The following FAM117A variants were observed in gnomAD, a reference collection of about 807,000 sequenced individuals.
FAM117A encodes the protein family with sequence similarity 117 member A.
A neutral mutation model predicts 44.1 loss-of-function variants in FAM117A; 21 were observed. The observed-to-expected ratio is 0.48, with a 90% CI of 0.34 to 0.69. The LOEUF (loss-of-function observed/expected upper bound fraction) is 0.69. FAM117A is among the 30% of genes least tolerant of loss of function. The pLI is 0.01. For missense variants in FAM117A, 498 were observed against 589.9 expected (o/e 0.84, Z 1.61); for synonymous variants, 220 against 238.3 (o/e 0.92, Z 0.71).
In FAM117A at chr17:49,763,999, G is replaced by C. The variant is rs2073734493; in HGVS notation, c.89C>G (p.Pro30Arg). Residue 30 changes from proline (P) to arginine (R), a missense_variant, in exon 1 of 8, where the codon CCC becomes CGC. Coordinates refer to ENST00000240364, the MANE Select transcript of FAM117A (RefSeq NM_030802.4). ...CCGGGGGGAGCCGGCGGGGGCTGGG[G>C]GAGAGCAGCCCCGCCGGAGCCCCCC... The part of the protein sequence containing the change: ...GAGGLRRGCS[P>R]PAPAGSPRAG... 1.7e-6 allele frequency: 2 copies of C among 1,210,684 alleles called. No homozygotes were observed. The highest frequency in any genetic ancestry group is 2.1e-6 in the Non-Finnish European group (2 of 970,510). 75.0% of individuals were successfully genotyped at this position (1,210,684 alleles called of 1,614,324 possible). A position where few individuals can be genotyped will look rare whatever the true frequency, so the allele number is the denominator to read the frequency against.
At chr17:49,770,879 G>C (rs140353984) in intron 1 of FAM117A, among the ~76,000 whole-genome samples, 198 of 150,478 alleles carry the variant, frequency 1.3e-3, no homozygotes, top group African/African-American at 4.7e-3. Flanking sequence ...ACTCCACCCT[G>C]GGTGACAGAG....
intron 1 of FAM117A, among the ~76,000 whole-genome samples, chr17:49,777,015 T>C (rs2073777195): frequency 6.6e-6 from 1 of 152,242 alleles, no homozygotes; most frequent in South Asian, 2.1e-4. Context: ...AGGGGAATTC[T>C]TGTGGGACTG....
At chr17:49,719,134 C>T (rs1006459627) in intron 5 of FAM117A, among the ~76,000 whole-genome samples, 6 of 148,734 alleles carry the variant, frequency 4.0e-5, no homozygotes, top group East Asian at 2.0e-4. Flanking sequence ...TGGTGGCAAG[C>T]GCCTGTAATC....
rs1233480763 is a variant in FAM117A at position 49,714,422 on chromosome 17, C to A, written c.1061+1743G>T. 2.6e-5 allele frequency among the ~76,000 whole-genome samples: 4 copies of A among 151,566 alleles called. No homozygotes were observed. In the East Asian group the frequency reaches 7.8e-4, roughly 29 times the overall value. The stretch of plus-strand genomic sequence containing the variant: ...GTGCGATCTCAGCTCACTGCAATCT[C>A]CACCTCCTGGGTTCAAGCAATTCTC... On this transcript the variant is annotated intron_variant, in intron 7 of 7. Coordinates refer to ENST00000240364, the MANE Select transcript of FAM117A (RefSeq NM_030802.4).
intron 1 of FAM117A, among the ~76,000 whole-genome samples, chr17:49,738,959 A>AT (rs1195087912): frequency 6.6e-6 from 1 of 152,186 alleles, no homozygotes; most frequent in Non-Finnish European, 1.5e-5. Flanking sequence ...AACACAAACC[A>AT]AAGCCAAAAT....
At chr17:49,786,496 G>C (rs1229889408) in intron 1 of FAM117A, among the ~76,000 whole-genome samples, 1 of 152,184 alleles carries the variant, frequency 6.6e-6, no homozygotes, top group East Asian at 1.9e-4. Flanking sequence ...GATGGTATGA[G>C]CCAGGCGCAG....
At chr17:49,720,561 AT>A in intron 3 of FAM117A, 125 bp from the exon 4 acceptor site, 2 of 685,562 alleles carry the variant, frequency 2.9e-6, no homozygotes, top group African/African-American at 1.8e-5. Context: ...ATGGAAGTTA[AT>A]CTTCCATCTC....
At chr17:49,743,959 T>C (rs1028010615) in intron 1 of FAM117A, among the ~76,000 whole-genome samples, 3 of 151,868 alleles carry the variant, frequency 2.0e-5, no homozygotes, top group African/African-American at 7.3e-5. Flanking sequence ...GGGCGTCCCT[T>C]TTCCAGTGAG....
intron 7 of FAM117A, among the ~76,000 whole-genome samples, 186 bp downstream of exon 7, chr17:49,715,979 A>G (rs1168710171): frequency 6.6e-6 from 1 of 152,210 alleles, no homozygotes; most frequent in Non-Finnish European, 1.5e-5. Context: ...CTATGGAGAT[A>G]ATGATAAGCA....
chr17:49,745,369 A>G (rs761773559), intron 1 of FAM117A, among the ~76,000 whole-genome samples: 15 of 152,246 alleles, frequency 9.9e-5, no homozygotes, highest in Non-Finnish European at 2.1e-4. Flanking sequence ...AGAGTTGTCA[A>G]CAGATGCCAA....
chr17:49,764,089 G>A lies in FAM117A; in HGVS notation c.-2C>T, dbSNP rs757916383. 3 of 1,265,302 alleles carry A rather than the reference G, an allele frequency of 2.4e-6. No individual in the cohort carries two copies. The highest frequency in any genetic ancestry group is 3.0e-6 in the Non-Finnish European group (3 of 1,000,660). The allele number at this position is 1,265,302 out of a possible 1,614,324, so 78.4% of individuals were successfully genotyped here. A position where few individuals can be genotyped will look rare whatever the true frequency, so the allele number is the denominator to read the frequency against. On this transcript the variant is annotated 5_prime_UTR_variant, in exon 1 of 8. Transcript: ENST00000240364. ...GCCGCCCGCTGCGGCCCCCGCCATGGCTCTCCCGGCTGCCTGCCTCAGCCC... is the reference window on the plus strand; with the variant it reads ...GCCGCCCGCTGCGGCCCCCGCCATGACTCTCCCGGCTGCCTGCCTCAGCCC...
intron 1 of FAM117A, among the ~76,000 whole-genome samples, chr17:49,740,270 G>A (rs1458287627): frequency 6.6e-6 from 1 of 150,656 alleles, no homozygotes; most frequent in South Asian, 2.1e-4. Flanking sequence ...TTTTTTGAGA[G>A]GGAGTCTCAC....
chr17:49,724,453 A>C (rs779158252), intron 2 of FAM117A: 15 of 456,190 alleles, frequency 3.3e-5, no homozygotes, highest in South Asian at 7.7e-5. Context: ...GGTACTACTA[A>C]TATCTCTTGC....
intron 7 of FAM117A, 113 bp from the exon 8 acceptor site, chr17:49,711,668 T>C: frequency 9.8e-7 from 1 of 1,022,586 alleles, no homozygotes; most frequent in Non-Finnish European, 1.4e-6. Flanking sequence ...GGGTCTCTGT[T>C]CAAACAGAAT....
chr17:49,711,217 A>C lies in FAM117A; in HGVS notation c.*38T>G. On this transcript the variant is annotated 3_prime_UTR_variant, in exon 8 of 8. Transcript: ENST00000240364. Reference sequence around the variant, plus strand: ...CTGGGGAGGGACCTGCCACCAAGGCACTGGTCTCTATGGTAAAGTGGGGCA... The same window carrying C: ...CTGGGGAGGGACCTGCCACCAAGGCCCTGGTCTCTATGGTAAAGTGGGGCA... The C allele has an allele frequency of 1.3e-6, 2 of 1,540,918 alleles. No individual in the cohort carries two copies. Among genetic ancestry groups the C allele is most frequent in the Non-Finnish European group, 1.8e-6 (2 of 1,141,684 alleles).
chr17:49,716,353 G>T, intron 6 of FAM117A, 38 bp from the exon 7 acceptor site: 1 of 1,490,218 alleles, frequency 6.7e-7, no homozygotes, highest in South Asian at 1.4e-5. Flanking sequence ...TGGAGATGAA[G>T]GGAAGGCCTC....
chr17:49,712,077 C>T (rs749339571), intron 7 of FAM117A, among the ~76,000 whole-genome samples: 1 of 152,162 alleles, frequency 6.6e-6, no homozygotes, highest in Non-Finnish European at 1.5e-5. Context: ...ACCTGGGAGG[C>T]GGAGGTTGCA....
intron 1 of FAM117A, among the ~76,000 whole-genome samples, chr17:49,781,408 AC>A (rs2073789164): frequency 6.6e-6 from 1 of 152,238 alleles, no homozygotes; most frequent in Admixed American, 6.5e-5. Context: ...TTAAATTGGC[AC>A]CCTTGCACTG....
intron 2 of FAM117A, chr17:49,724,662 G>A (rs1006358356): frequency 1.7e-5 from 6 of 352,572 alleles, no homozygotes; most frequent in African/African-American, 8.6e-5. Context: ...GTGAAACCCC[G>A]TCTCTACTAA....
Sources: gnomAD v4.1 joint callset for allele counts (sites outside exome capture counted in the v4.1 genomes callset) on GRCh38, gnomAD v4.1.1 for gene constraint, MANE v1.5 for transcripts, NCBI Gene and HGNC (gene_info 2026-07-23, HGNC 2026-07-21) for gene names.